ZBTB20: variants seen among roughly 807,000 people sequenced by gnomAD.
ZBTB20 encodes the protein zinc finger and BTB domain-containing protein 20.
In ZBTB20, 9 loss-of-function variants were observed where a neutral mutation model predicts 56.9. That is an observed-to-expected ratio of 0.16 (90% CI 0.10 to 0.28). The LOEUF (loss-of-function observed/expected upper bound fraction) is 0.28. Among genes scored for constraint, ZBTB20 ranks in the 10% least tolerant of loss-of-function variants. ZBTB20 has a pLI of 1.00. For synonymous variants in ZBTB20, 417 were observed against 420.7 expected, an observed-to-expected ratio of 0.99 and a Z score of 0.11; for missense variants, 655 against 1,003.0, an observed-to-expected ratio of 0.65 and a Z score of 4.69.
chr3:115,079,265 G>A (rs2082707338), intron 1 of ZBTB20, among the ~76,000 whole-genome samples: 1 of 151,998 alleles, frequency 6.6e-6, no homozygotes, highest in African/African-American at 2.4e-5. Context: ...TACTCTCCAG[G>A]GCTAATGAGT....
chr3:114,981,124 T>C (rs2078309485), intron 2 of ZBTB20, among the ~76,000 whole-genome samples: 1 of 151,982 alleles, frequency 6.6e-6, no homozygotes, highest in Non-Finnish European at 1.5e-5. Flanking sequence ...GTGCATATGA[T>C]CACGAAATTT....
At chr3:114,652,318 C>T (rs2060180717) in intron 6 of ZBTB20, among the ~76,000 whole-genome samples, 1 of 151,978 alleles carries the variant, frequency 6.6e-6, no homozygotes, top group African/African-American at 2.4e-5. Context: ...TTCTGGAATT[C>T]ATCTACATTG....
At chr3:115,063,381 C>G (rs2082081240) in intron 2 of ZBTB20, among the ~76,000 whole-genome samples, 1 of 152,110 alleles carries the variant, frequency 6.6e-6, no homozygotes, top group Admixed American at 6.6e-5. Flanking sequence ...TGCCTTTGTC[C>G]TGGTTTGCAT....
intron 10 of ZBTB20, among the ~76,000 whole-genome samples, chr3:114,377,314 G>A (rs2083762490): frequency 6.6e-6 from 1 of 152,192 alleles, no homozygotes; most frequent in Non-Finnish European, 1.5e-5. Context: ...GCACTGCAAA[G>A]CAACATACAT....
intron 4 of ZBTB20, among the ~76,000 whole-genome samples, chr3:114,813,052 C>T (rs967698994): frequency 2.0e-5 from 3 of 152,226 alleles, no homozygotes; most frequent in African/African-American, 4.8e-5. Flanking sequence ...CACCTCCTCG[C>T]AAGCTGAGGG....
chr3:114,762,647 A>G (rs535257771), intron 5 of ZBTB20, among the ~76,000 whole-genome samples: 23 of 152,276 alleles, frequency 1.5e-4, no homozygotes, highest in Non-Finnish European at 2.9e-4. Flanking sequence ...GATATTTTGT[A>G]TGGGAAAACC....
chr3:114,957,508 A>G lies in ZBTB20; in HGVS notation c.-456+16858T>C, dbSNP rs913629195. Among the ~76,000 whole-genome samples, 17 of 152,268 alleles carry G rather than the reference A, an allele frequency of 1.1e-4. No individual in the cohort carries two copies. The Middle Eastern group carries it at 0.014, about 122-fold the overall frequency. ...TGGATTATTAGGAAAATGTATGAAA[A>G]CCACTGCCGTAAAGAACATCTATCT... On this transcript the variant is annotated intron_variant, in intron 3 of 11. Coordinates refer to ENST00000675478, the MANE Select transcript of ZBTB20 (RefSeq NM_001348800.3).
intron 5 of ZBTB20, among the ~76,000 whole-genome samples, chr3:114,721,331 A>T (rs1484099760): frequency 2.0e-5 from 3 of 152,206 alleles, no homozygotes; most frequent in African/African-American, 7.2e-5. Context: ...AGAAAGAGAG[A>T]GAGTGCGAGC....
intron 6 of ZBTB20, among the ~76,000 whole-genome samples, chr3:114,543,634 A>T (rs980932066): frequency 1.3e-5 from 2 of 152,224 alleles, no homozygotes; most frequent in Non-Finnish European, 2.9e-5. Flanking sequence ...TGTTTCCAGC[A>T]TGAGCCAAGG....
At chr3:114,625,238 A>AG (rs2058590796) in intron 6 of ZBTB20, among the ~76,000 whole-genome samples, 1 of 152,084 alleles carries the variant, frequency 6.6e-6, no homozygotes, top group Admixed American at 6.5e-5. Flanking sequence ...GAAAAAAAAA[A>AG]GCTGCCTACC....
chr3:114,344,287 A>C (rs1464809022), intron 11 of ZBTB20, among the ~76,000 whole-genome samples: 1 of 152,178 alleles, frequency 6.6e-6, no homozygotes, highest in East Asian at 1.9e-4. Flanking sequence ...CTTTTCTTAA[A>C]ATTTTGTGAA....
chr3:114,934,223 T>A (rs1441029570), intron 3 of ZBTB20, among the ~76,000 whole-genome samples: 1 of 152,148 alleles, frequency 6.6e-6, no homozygotes, highest in Non-Finnish European at 1.5e-5. Context: ...CTTCCCCAAC[T>A]TTCCCCATTT....
chr3:114,886,172 A>G lies in ZBTB20; in HGVS notation c.-417+14132T>C, dbSNP rs1025745771. Among the ~76,000 whole-genome samples the G allele has an allele frequency of 7.2e-5, 11 of 152,336 alleles. No individual in the cohort carries two copies. In the South Asian group the frequency reaches 2.3e-3, roughly 32 times the overall value. On this transcript the variant is annotated intron_variant, in intron 4 of 11. Transcript: ENST00000675478. ...TTGAGAATCAACTTGGGAGAAATAG[A>G]AAAACAGGTGTCTGAGTTGAGCAGA...
At position 114,318,829 on chromosome 3, in the gene ZBTB20, G is replaced by C. The variant is rs1034098356; in HGVS notation, c.*20176C>G. ...TTCTCATTTGGCAAGGCTAAGGCAG[G>C]GGGTAGGGGGAAGAGAAAAGGGGTT... On this transcript the variant is annotated 3_prime_UTR_variant, in exon 12 of 12. Transcript: ENST00000675478. The C allele has an allele frequency of 6.6e-6, 1 of 152,170 alleles. No homozygotes were observed. The highest frequency in any genetic ancestry group is 1.5e-5 in the Non-Finnish European group (1 of 68,038). The allele number at this position is 152,170 out of a possible 1,614,324, so 9.4% of individuals were successfully genotyped here.
intron 6 of ZBTB20, among the ~76,000 whole-genome samples, chr3:114,541,209 A>AACCC (rs1336755885): frequency 1.3e-5 from 2 of 152,152 alleles, no homozygotes; most frequent in Admixed American, 6.6e-5. Flanking sequence ...CCATAGCTTT[A>AACCC]ACCCAGTATC....
rs57058775 is a variant in ZBTB20, at chr3:114,329,709, G to GAAAAAA, written c.*9290_*9295dup. The GAAAAAA allele has an allele frequency of 9.4e-5, 6 of 63,916 alleles. No homozygotes were observed. The highest frequency in any genetic ancestry group is 5.4e-4 in the East Asian group (1 of 1,858). 4.0% of individuals were successfully genotyped at this position (63,916 alleles called of 1,614,324 possible). ...TGAAACTCTGGTTTTACTTTTTTTG[G>GAAAAAA]AAAAAAAAAAAAAAAAAAAAAAAAA... On this transcript the variant is annotated 3_prime_UTR_variant, in exon 12 of 12. Coordinates refer to ENST00000675478, the MANE Select transcript of ZBTB20 (RefSeq NM_001348800.3).
At chr3:114,730,225 T>C (rs2065634813) in intron 5 of ZBTB20, among the ~76,000 whole-genome samples, 1 of 151,972 alleles carries the variant, frequency 6.6e-6, no homozygotes, top group Admixed American at 6.6e-5. Flanking sequence ...TGTGTGTGTA[T>C]GTGTGAAAAA....
intron 6 of ZBTB20, among the ~76,000 whole-genome samples, chr3:114,504,576 C>A (rs1237936320): frequency 6.6e-6 from 1 of 152,142 alleles, no homozygotes; most frequent in African/African-American, 2.4e-5. Flanking sequence ...ATGGAACTTC[C>A]GGTTGAGTGA....
intron 10 of ZBTB20, among the ~76,000 whole-genome samples, chr3:114,352,139 CG>C (rs2080738926): frequency 6.6e-6 from 1 of 152,218 alleles, no homozygotes; most frequent in Non-Finnish European, 1.5e-5. Flanking sequence ...CCCAGAGCTT[CG>C]GCTGAGGTAG....
Sources: allele counts gnomAD v4.1 joint callset (sites outside exome capture counted in the v4.1 genomes callset), GRCh38; gene constraint gnomAD v4.1.1; transcripts MANE v1.5; gene names NCBI Gene and HGNC (gene_info 2026-07-23, HGNC 2026-07-21).